The following F2 variants were observed in gnomAD, a reference collection of about 807,000 sequenced individuals.
F2 encodes coagulation factor II, thrombin.
Under a neutral mutation model 81.9 loss-of-function variants are expected in F2, and 34 were observed. That is an observed-to-expected ratio of 0.42 (90% CI 0.32 to 0.55). F2 has a LOEUF of 0.55. F2 is among the 20% of genes least tolerant of loss of function. The pLI, the probability that F2 is intolerant of heterozygous loss-of-function variation, is 0.18. For synonymous variants in F2, 296 were observed against 326.4 expected (o/e 0.91, Z 1.01); for missense variants, 630 against 833.4 (o/e 0.76, Z 3.00).
At chr11:46,736,405 G>A (rs1295492369) in intron 12 of F2, among the ~76,000 whole-genome samples, 2 of 152,172 alleles carry the variant, frequency 1.3e-5, no homozygotes, top group Non-Finnish European at 2.9e-5. Context: ...TTACAGACGT[G>A]AGCCACCATA....
At chr11:46,729,300 T>C in intron 11 of F2, 80 bp from the exon 12 acceptor site, 3 of 1,489,246 alleles carry the variant, frequency 2.0e-6, no homozygotes, top group East Asian at 4.6e-5. Flanking sequence ...TTTTAGATTC[T>C]GGTCTCTAAG....
Position 46,719,292 on chromosome 11 carries a change from T to C in F2, c.57T>C (p.Cys19=), listed in dbSNP as rs2064820205. Reference sequence around the variant, plus strand: ...GCTGCCTGGCCCTGGCTGCCCTGTGTAGCCTTGTGCACAGCCAGCATGGTA... The same window carrying C: ...GCTGCCTGGCCCTGGCTGCCCTGTGCAGCCTTGTGCACAGCCAGCATGGTA... ...LPGCLALAAL[C]SLVHSQHVFL... The change falls in exon 1 of 14, where the codon TGT becomes TGC. Residue 19 remains cysteine (C), a synonymous_variant. Transcript: ENST00000311907. The surrounding 1 kb of genome is among the most constrained non-coding windows in gnomAD (Gnocchi z 4.7). The C allele has an allele frequency of 6.2e-7, 1 of 1,613,496 alleles. No individual in the cohort carries two copies. The highest frequency in any genetic ancestry group is 8.5e-7 in the Non-Finnish European group (1 of 1,179,962).
chr11:46,726,639 G>T lies in F2; in HGVS notation c.1003+13G>T, dbSNP rs1175313648. 1.9e-6 allele frequency: 3 copies of T among 1,613,640 alleles called. No individual in the cohort carries two copies. Among genetic ancestry groups the T allele is most frequent in the Non-Finnish European group, 1.7e-6 (2 of 1,179,514 alleles). ...TCGGGAGAGGCAGGTGAGGTAGTGGGCATCCGAGGGGATGCGGGGCTGCGG... is the reference window on the plus strand; with the variant it reads ...TCGGGAGAGGCAGGTGAGGTAGTGGTCATCCGAGGGGATGCGGGGCTGCGG... On this transcript the variant is annotated intron_variant, in intron 8 of 13. Transcript: ENST00000311907. This position sits in a 1 kb window ranked among gnomAD's most constrained non-coding sequence, Gnocchi z 5.9.
intron 12 of F2, among the ~76,000 whole-genome samples, chr11:46,731,501 T>C (rs749014925): frequency 1.3e-5 from 2 of 151,650 alleles, no homozygotes; most frequent in Admixed American, 6.6e-5. Context: ...AAATTAATGA[T>C]GATACAATAT....
chr11:46,734,746 G>A (rs1443051211), intron 12 of F2, among the ~76,000 whole-genome samples: 4 of 152,302 alleles, frequency 2.6e-5, no homozygotes, highest in Middle Eastern at 3.4e-3. Flanking sequence ...GGGAGGCGGA[G>A]GTTGCAGTGA....
Position 46,729,550 on chromosome 11 carries a change from T to A in F2, c.1643T>A (p.Met548Lys). Residue 548 changes from methionine (M) to lysine (K), a missense_variant, in exon 12 of 14, where the codon ATG (methionine) becomes AAG (lysine). By Grantham distance (95) the Met-to-Lys change is moderately conservative (BLOSUM62 -1). Transcript: ENST00000311907. Reference sequence around the variant, plus strand: ...ACCCGGATCCGCATCACTGACAACATGTTCTGTGCTGGCAAGTCTGTGCAG... The same window carrying A: ...ACCCGGATCCGCATCACTGACAACAAGTTCTGTGCTGGCAAGTCTGTGCAG... ...DSTRIRITDN[M>K]FCAGYKPDEG... is the part of the protein sequence containing the mutation. 1.2e-6 allele frequency: 2 copies of A among 1,613,204 alleles called. No individual in the cohort carries two copies. Among genetic ancestry groups the A allele is most frequent in the Non-Finnish European group, 1.7e-6 (2 of 1,179,352 alleles).
rs367827038 is a variant in F2 at position 46,726,790 on chromosome 11, C to T, written c.1083C>T (p.Asp361=). 15 of 1,614,100 alleles carry T rather than the reference C, an allele frequency of 9.3e-6. No individual in the cohort carries two copies. Among genetic ancestry groups the T allele is most frequent in the East Asian group, 6.7e-5 (3 of 44,892 alleles). The change falls in exon 9 of 14, where the codon GAC becomes GAT. Residue 361 remains aspartate, a synonymous_variant. Transcript: ENST00000311907. The surrounding 1 kb of genome is among the most constrained non-coding windows in gnomAD (Gnocchi z 5.9). ...TERELLESYI[D]GRIVEGSDAE... ...GAGAGCTCCTGGAATCCTACATCGA[C>T]GGGCGCATTGTGGAGGGCTCGGATG...
chr11:46,721,631 C>T (rs1206712839), intron 4 of F2, among the ~76,000 whole-genome samples: 4 of 152,214 alleles, frequency 2.6e-5, no homozygotes, highest in Non-Finnish European at 5.9e-5. Flanking sequence ...TTTGCTGAGA[C>T]TTCAGGGAGC....
At position 46,719,952 on chromosome 11, in the gene F2, G is replaced by A; in HGVS notation, c.240+90G>A. 6.8e-7 allele frequency: 1 copy of A among 1,480,982 alleles called. No homozygotes were observed. Among genetic ancestry groups the A allele is most frequent in the Non-Finnish European group, 9.1e-7 (1 of 1,097,870 alleles). 91.7% of individuals were successfully genotyped at this position (1,480,982 alleles called of 1,614,324 possible). ...AGAGAAGCAAGCGAGGAACGCCACAGCCCCTTCGCTGCTCACAGCCTCATT... is the reference window on the plus strand; with the variant it reads ...AGAGAAGCAAGCGAGGAACGCCACAACCCCTTCGCTGCTCACAGCCTCATT... On this transcript the variant is annotated intron_variant, in intron 2 of 13. Transcript: ENST00000311907. The surrounding 1 kb of genome is among the most constrained non-coding windows in gnomAD (Gnocchi z 4.7).
chr11:46,730,801 C>CATATATAT (rs1555157927), intron 12 of F2, among the ~76,000 whole-genome samples: 6 of 135,636 alleles, frequency 4.4e-5, no homozygotes, highest in Non-Finnish European at 8.4e-5. Context: ...TATATATATG[C>CATATATAT]ATAGTTTGAG....
intron 2 of F2, 87 bp from the exon 3 acceptor site, chr11:46,720,436 G>A: frequency 6.7e-7 from 1 of 1,501,862 alleles, no homozygotes; most frequent in South Asian, 1.1e-5. Flanking sequence ...CCAGGGTAAA[G>A]GAAAGTGTGA....
intron 13 of F2, 29 bp downstream of exon 13, chr11:46,739,147 T>G (rs1320267211): frequency 6.2e-7 from 1 of 1,613,932 alleles, no homozygotes; most frequent in Non-Finnish European, 8.5e-7. Context: ...CAGGGCCTGG[T>G]GAACACATCT....
intron 12 of F2, among the ~76,000 whole-genome samples, chr11:46,733,358 C>CA: frequency 6.6e-6 from 1 of 152,270 alleles, no homozygotes; most frequent in East Asian, 1.9e-4. Flanking sequence ...CACACACCAC[C>CA]ATGCCCAGCT....
intron 6 of F2, among the ~76,000 whole-genome samples, chr11:46,725,332 G>C (rs2064865027): frequency 6.6e-6 from 1 of 151,920 alleles, no homozygotes; most frequent in African/African-American, 2.4e-5. Flanking sequence ...GCCTCCCAAA[G>C]TTCTGGGATT....
rs1021235236 is a variant in F2, at chr11:46,719,440, G to C, written c.79+126G>C. The C allele has an allele frequency of 8.6e-7, 1 of 1,169,080 alleles. No homozygotes were observed. The highest frequency in any genetic ancestry group is 1.5e-5 in the African/African-American group (1 of 65,672). 72.4% of individuals were successfully genotyped at this position (1,169,080 alleles called of 1,614,324 possible). ...AGTAGGTCTCAGCCCCAGGCGGCCA[G>C]CTTAGGGAAGAAGTCAGGAGCTCAG... On this transcript the variant is annotated intron_variant, in intron 1 of 13. Coordinates refer to ENST00000311907, the MANE Select transcript of F2 (RefSeq NM_000506.5). This position sits in a 1 kb window ranked among gnomAD's most constrained non-coding sequence, Gnocchi z 4.7.
intron 12 of F2, among the ~76,000 whole-genome samples, chr11:46,734,646 A>G (rs1418668457): frequency 6.6e-6 from 1 of 152,026 alleles, no homozygotes; most frequent in African/African-American, 2.4e-5. Context: ...CCCTGTCTCT[A>G]CTAAAAATAC....
intron 6 of F2, among the ~76,000 whole-genome samples, chr11:46,724,065 T>G (rs2134529035): frequency 6.6e-6 from 1 of 152,188 alleles, no homozygotes; most frequent in Non-Finnish European, 1.5e-5. Flanking sequence ...TGTGGCTCAT[T>G]CCAAACATGC....
chr11:46,723,404 G>A lies in F2; in HGVS notation c.445G>A (p.Gly149Arg). Residue 149 changes from glycine to arginine, a missense_variant, in exon 6 of 14, where the codon GGG becomes AGG. Coordinates refer to ENST00000311907, the MANE Select transcript of F2 (RefSeq NM_000506.5). This position sits in a 1 kb window ranked among gnomAD's most constrained non-coding sequence, Gnocchi z 5.6. ...KPEINSTTHPGADLQENFCRN... is the reference protein window; with the variant it reads ...KPEINSTTHPRADLQENFCRN... ...CAGAATCAACTCCACTACCCATCCT[G>A]GGGCCGACCTACAGGAGAATTTCTG... is the stretch of plus-strand genomic sequence containing the variant. The A allele has an allele frequency of 6.2e-7, 1 of 1,613,824 alleles. No homozygotes were observed. Among genetic ancestry groups the A allele is most frequent in the Non-Finnish European group, 8.5e-7 (1 of 1,179,812 alleles).
Position 46,739,294 on chromosome 11 carries a change from G to C in F2, c.1755G>C (p.Met585Ile), listed in dbSNP as rs1212267594. The change falls in exon 14 of 14, where the codon ATG becomes ATC. Residue 585 changes from methionine (M) to isoleucine (I), a missense_variant. Met to Ile is a conservative substitution (Grantham distance 10, BLOSUM62 1). Coordinates refer to ENST00000311907, the MANE Select transcript of F2 (RefSeq NM_000506.5). ...KSPFNNRWYQ[M>I]GIVSWGEGCD... ...CCTTTAACAACCGCTGGTATCAAAT[G>C]GGCATCGTCTCATGGGGTGAAGGCT... 1 of 1,614,002 alleles carries C rather than the reference G, an allele frequency of 6.2e-7. No individual in the cohort carries two copies. Among genetic ancestry groups the C allele is most frequent in the South Asian group, 1.1e-5 (1 of 91,086 alleles).
Sources: allele counts gnomAD v4.1 joint callset (sites outside exome capture counted in the v4.1 genomes callset), GRCh38; gene constraint gnomAD v4.1.1; non-coding constraint Gnocchi (gnomAD v3.1); transcripts MANE v1.5; gene names NCBI Gene and HGNC (gene_info 2026-07-23, HGNC 2026-07-21).